The following AGPAT3 variants were observed in gnomAD, a reference collection of about 807,000 sequenced individuals.
The protein encoded by AGPAT3 is 1-acyl-sn-glycerol-3-phosphate acyltransferase gamma.
In AGPAT3, 5 loss-of-function variants were observed where a neutral mutation model predicts 47.3. The observed-to-expected ratio is 0.11, with a 90% confidence interval of 0.06 to 0.22. AGPAT3 has a LOEUF of 0.22. Among genes scored for constraint, AGPAT3 ranks in the 10% least tolerant of loss-of-function variants. The probability of loss-of-function intolerance (pLI) is 1.00; values close to 1 mark genes in which losing one functional copy is unlikely to be tolerated. For synonymous variants in AGPAT3, 212 were observed against 208.3 expected (o/e 1.02, Z -0.15); for missense variants, 315 against 493.0 (o/e 0.64, Z 3.42).
intron 2 of AGPAT3, 95 bp from the exon 3 acceptor site, chr21:43,959,539 G>A (rs2088721300): frequency 1.8e-6 from 2 of 1,119,434 alleles, no homozygotes; most frequent in Non-Finnish European, 2.6e-6. Flanking sequence ...ATAAGCGTGA[G>A]GCATGTGCGG....
intron 2 of AGPAT3, among the ~76,000 whole-genome samples, chr21:43,936,163 C>T (rs1371979393): frequency 6.6e-6 from 1 of 152,244 alleles, no homozygotes; most frequent in East Asian, 1.9e-4. Flanking sequence ...AAGTGACCTG[C>T]CAGGACCCCA....
rs1432438328 is a variant in AGPAT3, at chr21:43,920,820, T to A, written c.-49+16801T>A. On this transcript the variant is annotated intron_variant, in intron 2 of 9. Transcript: ENST00000291572. This position sits in a 1 kb window ranked among gnomAD's most constrained non-coding sequence, Gnocchi z 6.1. The stretch of plus-strand genomic sequence containing the variant: ...CTCTTCATCTGTATCTTTTGTAACA[T>A]CCTTTATAAAAACCAGTAAATGAGG... Among the ~76,000 whole-genome samples, 1 of 152,144 alleles carries A rather than the reference T, an allele frequency of 6.6e-6. No homozygotes were observed. Among genetic ancestry groups the A allele is most frequent in the African/African-American group, 2.4e-5 (1 of 41,416 alleles).
At position 43,932,649 on chromosome 21, in the gene AGPAT3, G is replaced by A. The variant is rs941485755; in HGVS notation, c.-48-26985G>A. 6.7e-6 allele frequency among the ~76,000 whole-genome samples: 1 copy of A among 149,124 alleles called. No homozygotes were observed. Among genetic ancestry groups the A allele is most frequent in the East Asian group, 1.9e-4 (1 of 5,198 alleles). ...AGAAGTGGGATTGCCGGACCTTATG[G>A]TAGTTCCTTTTGTTTTCTTGAGACG... is the stretch of plus-strand genomic sequence containing the variant. On this transcript the variant is annotated intron_variant, in intron 2 of 9. Transcript: ENST00000291572. The surrounding 1 kb of genome is among the most constrained non-coding windows in gnomAD (Gnocchi z 5.2).
At chr21:43,978,736 A>T (rs1601483368) in intron 8 of AGPAT3, among the ~76,000 whole-genome samples, 1 of 152,382 alleles carries the variant, frequency 6.6e-6, no homozygotes, top group Admixed American at 6.5e-5. Context: ...CATTACAGGT[A>T]TGTAACAGAC....
At chr21:43,886,669 A>G (rs1318938465) in intron 1 of AGPAT3, among the ~76,000 whole-genome samples, 1 of 152,144 alleles carries the variant, frequency 6.6e-6, no homozygotes, top group Non-Finnish European at 1.5e-5. Context: ...TGATTTTTAC[A>G]TCCCACAAAT....
chr21:43,946,189 A>G (rs941744033), intron 2 of AGPAT3, among the ~76,000 whole-genome samples: 1 of 152,078 alleles, frequency 6.6e-6, no homozygotes, highest in Non-Finnish European at 1.5e-5. Context: ...CAAAGTCGAG[A>G]ACTTACGGTT....
chr21:43,909,319 G>A (rs1008376686), intron 2 of AGPAT3, among the ~76,000 whole-genome samples: 7 of 148,526 alleles, frequency 4.7e-5, no homozygotes, highest in African/African-American at 1.3e-4. Flanking sequence ...TTTTTGAGAC[G>A]GGGTCTCACT....
In AGPAT3 at chr21:43,900,917, C is replaced by A. The variant is rs181475035; in HGVS notation, c.-111-3040C>A. Among the ~76,000 whole-genome samples the A allele has an allele frequency of 8.6e-4, 131 of 152,252 alleles. 1 individual carries two copies. Among genetic ancestry groups the A allele is most frequent in the Non-Finnish European group, 2.9e-5 (2 of 68,018 alleles). On this transcript the variant is annotated intron_variant, in intron 1 of 9. Coordinates refer to ENST00000291572, the MANE Select transcript of AGPAT3 (RefSeq NM_020132.5). ...CAGCAGCAAACCCAGCGTCCAGTGCCAAGTTCACAGGCACCAAGTTCACAG... is the reference window on the plus strand; with the variant it reads ...CAGCAGCAAACCCAGCGTCCAGTGCAAAGTTCACAGGCACCAAGTTCACAG...
At chr21:43,980,453 A>C (rs948216282) in intron 8 of AGPAT3, among the ~76,000 whole-genome samples, 10 of 152,240 alleles carry the variant, frequency 6.6e-5, no homozygotes, top group African/African-American at 2.4e-4. Flanking sequence ...CCAGAGGCAG[A>C]ACCTTCTGCA....
At chr21:43,881,728 C>T (rs76072098) in intron 1 of AGPAT3, among the ~76,000 whole-genome samples, 3 of 152,122 alleles carry the variant, frequency 2.0e-5, no homozygotes, top group South Asian at 2.1e-4. Flanking sequence ...CAGTCTTGGC[C>T]CACTGCAACC....
At chr21:43,907,062 C>T (rs1334215557) in intron 2 of AGPAT3, among the ~76,000 whole-genome samples, 1 of 140,166 alleles carries the variant, frequency 7.1e-6, no homozygotes, top group Non-Finnish European at 1.5e-5. Context: ...GAGGGGGTCT[C>T]TCTCTGTCTC....
At chr21:43,931,028 C>A (rs1004929985) in intron 2 of AGPAT3, among the ~76,000 whole-genome samples, 5 of 151,994 alleles carry the variant, frequency 3.3e-5, no homozygotes, top group African/African-American at 1.2e-4. Context: ...CAGCGTGGGG[C>A]CCTGGGGTGG....
intron 2 of AGPAT3, among the ~76,000 whole-genome samples, chr21:43,905,189 A>G (rs1377955203): frequency 6.8e-6 from 1 of 146,548 alleles, no homozygotes; most frequent in Non-Finnish European, 1.5e-5. Flanking sequence ...TTATTTATTT[A>G]TTTATTTATT....
intron 8 of AGPAT3, among the ~76,000 whole-genome samples, chr21:43,980,436 A>G (rs916718305): frequency 1.3e-5 from 2 of 152,158 alleles, no homozygotes; most frequent in African/African-American, 2.4e-5. Flanking sequence ...TGCCTTTGAC[A>G]TTCCCACCAG....
In AGPAT3 at chr21:43,866,168, A is replaced by C. The variant is rs566395354; in HGVS notation, c.-112+823A>C. On this transcript the variant is annotated intron_variant, in intron 1 of 9. Coordinates refer to ENST00000291572, the MANE Select transcript of AGPAT3 (RefSeq NM_020132.5). ...TGAGAGAAGTTTAGTGACATGGGGA[A>C]AATGCTTTTATAAATGGCTTCCCAG... is the stretch of plus-strand genomic sequence containing the variant. Among the ~76,000 whole-genome samples, 191 of 148,228 alleles carry C rather than the reference A, an allele frequency of 1.3e-3. 1 individual carries two copies. The highest frequency in any genetic ancestry group is 3.5e-3 in the Middle Eastern group (1 of 282).
Position 43,922,343 on chromosome 21 carries a change from C to T in AGPAT3, c.-49+18324C>T, listed in dbSNP as rs539272992. The stretch of plus-strand genomic sequence containing the variant: ...GGAAGCGTGGGGGGAAGCGTGCGTG[C>T]GAAGGAGTGCAGCCCCCAGGACGCT... On this transcript the variant is annotated intron_variant, in intron 2 of 9. Coordinates refer to ENST00000291572, the MANE Select transcript of AGPAT3 (RefSeq NM_020132.5). The surrounding 1 kb of genome is among the most constrained non-coding windows in gnomAD (Gnocchi z 4.9). Among the ~76,000 whole-genome samples the T allele has an allele frequency of 6.6e-5, 10 of 152,286 alleles. No individual in the cohort carries two copies. Among genetic ancestry groups the T allele is most frequent in the East Asian group, 1.9e-4 (1 of 5,190 alleles).
chr21:43,969,946 A>T (rs988192421), intron 5 of AGPAT3, among the ~76,000 whole-genome samples: 1 of 146,858 alleles, frequency 6.8e-6, no homozygotes, highest in Non-Finnish European at 1.5e-5. Flanking sequence ...TGATCCGCCC[A>T]CCTTGACCTC....
rs183319854 is a variant in AGPAT3, at chr21:43,943,894, C to T, written c.-48-15740C>T. On this transcript the variant is annotated intron_variant, in intron 2 of 9. Transcript: ENST00000291572. ...AGAGGGAGACAGGGAGGGAACGTTC[C>T]GCCGCCTAAACCACTTTCCCGCCGC... 1.6e-3 allele frequency among the ~76,000 whole-genome samples: 237 copies of T among 152,306 alleles called. 1 individual carries two copies. The highest frequency in any genetic ancestry group is 4.3e-3 in the African/African-American group (179 of 41,568).
rs1187053873 is a variant in AGPAT3, at chr21:43,865,243, A to AGGGCC, written c.-203_-199dup. 1 of 146,854 alleles carries AGGGCC rather than the reference A, an allele frequency of 6.8e-6. No individual in the cohort carries two copies. Among genetic ancestry groups the AGGGCC allele is most frequent in the Non-Finnish European group, 1.5e-5 (1 of 65,760 alleles). The allele number at this position is 146,854 out of a possible 1,614,324, so 9.1% of individuals were successfully genotyped here. A position where few individuals can be genotyped will look rare whatever the true frequency, so the allele number is the denominator to read the frequency against. ...GCCGCACTCGCTGAGGCCCCGACGCAGGGCCGGGCCGGGCCCAGGGCCGAG... is the reference window on the plus strand; with the variant it reads ...GCCGCACTCGCTGAGGCCCCGACGCAGGGCCGGGCCGGGCCGGGCCCAGGGCCGAG... On this transcript the variant is annotated 5_prime_UTR_variant, in exon 1 of 10. Transcript: ENST00000291572.
Sources: gnomAD v4.1 joint callset for allele counts (sites outside exome capture counted in the v4.1 genomes callset) on GRCh38, gnomAD v4.1.1 for gene constraint, Gnocchi (gnomAD v3.1) non-coding constraint, MANE v1.5 for transcripts, NCBI Gene and HGNC (gene_info 2026-07-23, HGNC 2026-07-21) for gene names.